The following FOXP2 variants were observed in gnomAD, a reference collection of about 807,000 sequenced individuals.
FOXP2 encodes forkhead box P2.
In FOXP2, 12 loss-of-function variants were observed where a neutral mutation model predicts 115.8. The observed-to-expected ratio is 0.10, with a 90% CI of 0.07 to 0.17. The LOEUF (loss-of-function observed/expected upper bound fraction) is 0.17, where lower values mean the gene tolerates loss of function less well. Ranked by LOEUF, FOXP2 falls within the 10% of genes least tolerant of loss-of-function variation. The pLI is 1.00. For missense variants in FOXP2, 629 were observed against 843.5 expected (o/e 0.75, Z 3.15); for synonymous variants, 328 against 297.7 (o/e 1.10, Z -1.05).
chr7:114,508,067 C>A (rs183642341), intron 2 of FOXP2, among the ~76,000 whole-genome samples: 30 of 152,040 alleles, frequency 2.0e-4, no homozygotes, highest in Non-Finnish European at 3.5e-4. Context: ...GGACATATTT[C>A]TCACCCTGAA....
chr7:114,328,049 T>C (rs1379125027), intron 2 of FOXP2, among the ~76,000 whole-genome samples: 2 of 151,364 alleles, frequency 1.3e-5, no homozygotes, highest in Non-Finnish European at 2.9e-5. Flanking sequence ...GCCTCCCTAG[T>C]AGCTGAGCCT....
At chr7:114,551,407 C>A (rs927144888) in intron 3 of FOXP2, among the ~76,000 whole-genome samples, 6 of 152,022 alleles carry the variant, frequency 3.9e-5, no homozygotes, top group African/African-American at 1.4e-4. Flanking sequence ...TAAAAAAAAA[C>A]TGCTTGACAG....
intron 2 of FOXP2, among the ~76,000 whole-genome samples, chr7:114,380,907 A>G (rs1792274053): frequency 6.6e-6 from 1 of 152,222 alleles, no homozygotes; most frequent in Non-Finnish European, 1.5e-5. Flanking sequence ...GACCTGTGTA[A>G]GGACTCCTAG....
intron 2 of FOXP2, among the ~76,000 whole-genome samples, chr7:114,381,350 T>C (rs2396725): frequency 0.96 from 145,619 of 152,184 alleles, 69,997 homozygotes; most frequent in East Asian, 1. Context: ...GGTGGCTTGA[T>C]GGCACAAGAT....
chr7:114,625,488 T>G (rs1490942437), intron 3 of FOXP2, among the ~76,000 whole-genome samples: 1 of 151,874 alleles, frequency 6.6e-6, no homozygotes, highest in Non-Finnish European at 1.5e-5. Flanking sequence ...AGGCTGATAC[T>G]GATTTCGTCT....
At chr7:114,686,977 G>A (rs1808399817) in intron 16 of FOXP2, among the ~76,000 whole-genome samples, 1 of 152,046 alleles carries the variant, frequency 6.6e-6, no homozygotes, top group Non-Finnish European at 1.5e-5. Flanking sequence ...GTAATATATT[G>A]AATGAGTTTT....
chr7:114,512,567 A>G (rs1798127431), intron 2 of FOXP2, among the ~76,000 whole-genome samples: 1 of 152,144 alleles, frequency 6.6e-6, no homozygotes, highest in Admixed American at 6.6e-5. Context: ...AGCAGGCCAA[A>G]GGTTTGCTCA....
chr7:114,165,146 A>C lies in FOXP2; in HGVS notation c.-102+2058A>C, dbSNP rs144008336. On this transcript the variant is annotated intron_variant, in intron 1 of 17. Coordinates refer to the FOXP2 transcript ENST00000634411. The stretch of plus-strand genomic sequence containing the variant: ...AACATTCTGTTTGTTCACCTGTCTG[A>C]TAGTTACATGGAGGTTTGTTTCATG... 2.7e-3 allele frequency among the ~76,000 whole-genome samples: 410 copies of C among 152,252 alleles called. 2 individuals carry two copies. The highest frequency in any genetic ancestry group is 8.9e-3 in the African/African-American group (370 of 41,550).
At chr7:114,355,926 C>T (rs997963748) in intron 2 of FOXP2, among the ~76,000 whole-genome samples, 1 of 152,200 alleles carries the variant, frequency 6.6e-6, no homozygotes, top group African/African-American at 2.4e-5. Flanking sequence ...TTTTGGAATT[C>T]AGATGCCTGG....
At chr7:114,268,702 G>C (rs1323961111) in intron 1 of FOXP2, among the ~76,000 whole-genome samples, 2 of 53,394 alleles carry the variant, frequency 3.7e-5, no homozygotes, top group Non-Finnish European at 6.5e-5. Context: ...ACTCCCCACT[G>C]TGTGTGTGTG....
chr7:114,585,784 T>C (rs1802103822), intron 3 of FOXP2, among the ~76,000 whole-genome samples: 1 of 152,178 alleles, frequency 6.6e-6, no homozygotes, highest in African/African-American at 2.4e-5. Context: ...GGAGAATCTC[T>C]TTAACTCAGG....
intron 3 of FOXP2, among the ~76,000 whole-genome samples, chr7:114,570,220 T>G (rs898912632): frequency 1.3e-5 from 2 of 151,854 alleles, no homozygotes; most frequent in African/African-American, 4.8e-5. Flanking sequence ...ATTCAACAGG[T>G]TTTAACAGAT....
chr7:114,145,711 T>A (rs1313921667), intron 1 of FOXP2, among the ~76,000 whole-genome samples: 1 of 152,028 alleles, frequency 6.6e-6, no homozygotes, highest in Non-Finnish European at 1.5e-5. Flanking sequence ...AAAACACATA[T>A]TTAAGTAATA....
At chr7:114,517,060 A>G (rs1346082157) in intron 2 of FOXP2, among the ~76,000 whole-genome samples, 1 of 151,796 alleles carries the variant, frequency 6.6e-6, no homozygotes, top group Non-Finnish European at 1.5e-5. Flanking sequence ...ATGTGAGATG[A>G]TACCTCATTG....
chr7:114,518,003 A>G (rs1229162979), intron 2 of FOXP2, among the ~76,000 whole-genome samples: 1 of 152,054 alleles, frequency 6.6e-6, no homozygotes, highest in Non-Finnish European at 1.5e-5. Context: ...AATTTCTTTC[A>G]TCAATATTTT....
At chr7:114,674,114 A>G (rs963622263) in intron 16 of FOXP2, among the ~76,000 whole-genome samples, 2 of 152,218 alleles carry the variant, frequency 1.3e-5, no homozygotes, top group African/African-American at 2.4e-5. Flanking sequence ...TACATCTTAG[A>G]AGAGAAAATT....
At chr7:114,396,606 A>T (rs979313584) in intron 2 of FOXP2, among the ~76,000 whole-genome samples, 2 of 151,930 alleles carry the variant, frequency 1.3e-5, no homozygotes, top group African/African-American at 2.4e-5. Flanking sequence ...TCATATGTGG[A>T]ATCTTAAAAA....
At chr7:114,458,631 T>G (rs1424284229) in intron 2 of FOXP2, among the ~76,000 whole-genome samples, 2 of 147,832 alleles carry the variant, frequency 1.4e-5, no homozygotes, top group Non-Finnish European at 3.0e-5. Context: ...CACTGCAAAC[T>G]TGACCTCCTG....
At chr7:114,181,084 T>A (rs1245259092) in intron 1 of FOXP2, among the ~76,000 whole-genome samples, 1 of 151,832 alleles carries the variant, frequency 6.6e-6, no homozygotes, top group Non-Finnish European at 1.5e-5. Flanking sequence ...TGACTTTTCT[T>A]TCTTACTCCA....
Sources: gnomAD v4.1 joint callset for allele counts (sites outside exome capture counted in the v4.1 genomes callset) on GRCh38, gnomAD v4.1.1 for gene constraint, MANE v1.5 for transcripts, NCBI Gene and HGNC (gene_info 2026-07-23, HGNC 2026-07-21) for gene names.